Variants in PHIP observed in about 807,000 individuals in gnomAD.
PHIP encodes the protein PH-interacting protein.
A neutral mutation model predicts 236.8 loss-of-function variants in PHIP; 54 were observed. The ratio of observed to expected loss-of-function variants is 0.23; its 90% CI spans 0.18 to 0.29. The LOEUF (loss-of-function observed/expected upper bound fraction) is 0.29, where lower values mean the gene tolerates loss of function less well. PHIP is among the 10% of genes least tolerant of loss of function. The pLI is 1.00. For missense variants in PHIP, 1,370 were observed against 2,190.8 expected (o/e 0.63, Z 7.48); for synonymous variants, 756 against 718.9 (o/e 1.05, Z -0.83).
rs1484089957 is a variant in PHIP, at chr6:78,935,100, TA to T, written c.*5592del. Among the ~76,000 whole-genome samples the T allele has an allele frequency of 4.6e-5, 7 of 152,128 alleles. No individual in the cohort carries two copies. The highest frequency in any genetic ancestry group is 1.4e-4 in the African/African-American group (6 of 41,440). On this transcript the variant is annotated 3_prime_UTR_variant, in exon 40 of 40. Coordinates refer to ENST00000275034, the MANE Select transcript of PHIP (RefSeq NM_017934.7). ...AATTGGTATTATTACAAAAGAGAAA[TA>T]AGTAAAGAGTGGTTGCTGAAAGGTA...
In PHIP at chr6:79,059,269, T is replaced by C. The variant is rs531284810; in HGVS notation, c.439+1209A>G. Reference sequence around the variant, plus strand: ...GAACACAGAGGTTATTTTAAGATAATGACTGAGAATTTTTCAATGTCAATA... The same window carrying C: ...GAACACAGAGGTTATTTTAAGATAACGACTGAGAATTTTTCAATGTCAATA... On this transcript the variant is annotated intron_variant, in intron 6 of 39. Transcript: ENST00000275034. 6.6e-5 allele frequency among the ~76,000 whole-genome samples: 10 copies of C among 152,078 alleles called. No individual in the cohort carries two copies. The East Asian group carries it at 1.9e-3, about 29-fold the overall frequency.
At chr6:79,009,536 T>C (rs907458380) in intron 15 of PHIP, among the ~76,000 whole-genome samples, 7 of 152,072 alleles carry the variant, frequency 4.6e-5, no homozygotes, top group Non-Finnish European at 1.0e-4. Context: ...AAGGTATATT[T>C]TGTATATTTT....
chr6:78,954,530 G>GA (rs961982047), intron 35 of PHIP, among the ~76,000 whole-genome samples: 13 of 148,060 alleles, frequency 8.8e-5, no homozygotes, highest in South Asian at 4.3e-4. Flanking sequence ...GACAAAAAAA[G>GA]AAAAAAAAAA....
chr6:79,042,097 C>T lies in PHIP; in HGVS notation c.600+746G>A, dbSNP rs954658989. ...TTGTGAATGAATGCATACCTTCAGC[C>T]CACAGGGTAGTGTTTAATAATAAAT... On this transcript the variant is annotated intron_variant, in intron 7 of 39. Transcript: ENST00000275034. Among the ~76,000 whole-genome samples the T allele has an allele frequency of 5.3e-5, 8 of 152,012 alleles. No homozygotes were observed. The South Asian group carries it at 6.2e-4, about 12-fold the overall frequency.
rs1434577624 is a variant in PHIP, at chr6:78,955,702, T to G, written c.3783-20A>C. 1.3e-6 allele frequency: 1 copy of G among 798,590 alleles called. No individual in the cohort carries two copies. Among genetic ancestry groups the G allele is most frequent in the African/African-American group, 1.8e-5 (1 of 57,072 alleles). The allele number at this position is 798,590 out of a possible 1,614,324, so 49.5% of individuals were successfully genotyped here. A position where few individuals can be genotyped will look rare whatever the true frequency, so the allele number is the denominator to read the frequency against. On this transcript the variant is annotated intron_variant, in intron 32 of 39. Transcript: ENST00000275034. ...TGATCCCTACATAACAAGGAAATGT[T>G]AACATGTAAGATTAGAACCATGATA...
chr6:79,060,383 A>T (rs1318046337), intron 6 of PHIP, 95 bp downstream of exon 6: 4 of 728,562 alleles, frequency 5.5e-6, no homozygotes, highest in Non-Finnish European at 8.9e-6. Flanking sequence ...ACATAATATG[A>T]AGTTCTCTAA....
At chr6:78,986,744 T>C (rs1768893084) in intron 21 of PHIP, among the ~76,000 whole-genome samples, 1 of 152,174 alleles carries the variant, frequency 6.6e-6, no homozygotes, top group African/African-American at 2.4e-5. Context: ...ATTTTGATGT[T>C]TTAATGAAGA....
At chr6:79,074,261 G>C (rs920166108) in intron 4 of PHIP, among the ~76,000 whole-genome samples, 1 of 151,772 alleles carries the variant, frequency 6.6e-6, no homozygotes, top group Non-Finnish European at 1.5e-5. Flanking sequence ...CTAGTTCTTG[G>C]GGGGAAAAAA....
At chr6:79,035,093 T>C (rs1023861347) in intron 7 of PHIP, among the ~76,000 whole-genome samples, 13 of 152,128 alleles carry the variant, frequency 8.5e-5, no homozygotes, top group Non-Finnish European at 1.8e-4. Context: ...TTTGCACATG[T>C]GACCCATGAG....
chr6:78,980,068 G>A (rs973963544), intron 23 of PHIP, among the ~76,000 whole-genome samples: 1 of 151,924 alleles, frequency 6.6e-6, no homozygotes, highest in African/African-American at 2.4e-5. Flanking sequence ...CAGAAGCATA[G>A]TACGATCTCA....
intron 15 of PHIP, among the ~76,000 whole-genome samples, chr6:79,006,910 G>A (rs1050263514): frequency 6.6e-6 from 1 of 151,962 alleles, no homozygotes; most frequent in Non-Finnish European, 1.5e-5. Context: ...ACCAGTAACT[G>A]TGAAAACTTC....
chr6:79,015,325 G>A, intron 14 of PHIP, 109 bp from the exon 15 acceptor site: 1 of 908,818 alleles, frequency 1.1e-6, no homozygotes, highest in Non-Finnish European at 1.7e-6. Flanking sequence ...GTTTTAAGAA[G>A]TATTAAATTG....
intron 35 of PHIP, among the ~76,000 whole-genome samples, chr6:78,950,613 T>C (rs1478159291): frequency 6.6e-6 from 1 of 152,210 alleles, no homozygotes; most frequent in African/African-American, 2.4e-5. Flanking sequence ...ATCAAATTTA[T>C]ATATGTAGAA....
chr6:78,988,836 TG>T (rs1400780007), intron 20 of PHIP, among the ~76,000 whole-genome samples: 2 of 151,874 alleles, frequency 1.3e-5, no homozygotes, highest in African/African-American at 4.8e-5. Flanking sequence ...ATAGAAATGA[TG>T]TAAGAAAAAG....
At chr6:79,058,626 G>A (rs1773195924) in intron 6 of PHIP, among the ~76,000 whole-genome samples, 1 of 152,024 alleles carries the variant, frequency 6.6e-6, no homozygotes, top group African/African-American at 2.4e-5. Context: ...CCATGCTTCA[G>A]TCTCCTCTGT....
intron 39 of PHIP, among the ~76,000 whole-genome samples, chr6:78,942,339 T>C (rs770857774): frequency 6.6e-6 from 1 of 152,040 alleles, no homozygotes; most frequent in Non-Finnish European, 1.5e-5. Context: ...AAAAAGTAGC[T>C]GGGCGTGGTG....
chr6:79,072,308 A>C (rs1335613322), intron 4 of PHIP, among the ~76,000 whole-genome samples: 1 of 152,194 alleles, frequency 6.6e-6, no homozygotes, highest in East Asian at 1.9e-4. Context: ...TTATTTCTTA[A>C]TGTTCAGTGT....
At chr6:79,030,897 G>A (rs1771638792) in intron 7 of PHIP, among the ~76,000 whole-genome samples, 1 of 152,032 alleles carries the variant, frequency 6.6e-6, no homozygotes, top group Non-Finnish European at 1.5e-5. Context: ...AAAGATAAGA[G>A]AGTAGTAAAT....
At chr6:79,049,846 T>G (rs2069920736) in intron 6 of PHIP, among the ~76,000 whole-genome samples, 1 of 152,184 alleles carries the variant, frequency 6.6e-6, no homozygotes, top group South Asian at 2.1e-4. Flanking sequence ...ATGGTGTTGG[T>G]GATTTCAGAA....
Sources: allele counts gnomAD v4.1 joint callset (sites outside exome capture counted in the v4.1 genomes callset), GRCh38; gene constraint gnomAD v4.1.1; transcripts MANE v1.5; gene names NCBI Gene and HGNC (gene_info 2026-07-23, HGNC 2026-07-21).